Variants in LMBR1 observed in about 807,000 individuals in gnomAD.
LMBR1 encodes the protein limb region 1 protein homolog.
LMBR1 carries 52 observed loss-of-function variants against 73.9 expected under a neutral mutation model. That is an observed-to-expected ratio of 0.70 (90% CI 0.56 to 0.89). LMBR1 has a LOEUF of 0.89. Among genes scored for constraint, LMBR1 ranks in the 40% least tolerant of loss-of-function variants. The pLI is 0.00. For synonymous variants in LMBR1, 215 were observed against 209.4 expected (o/e 1.03, Z -0.23); for missense variants, 539 against 579.8 (o/e 0.93, Z 0.72).
chr7:156,709,286 C>T (rs946692412), intron 15 of LMBR1, among the ~76,000 whole-genome samples: 7 of 152,206 alleles, frequency 4.6e-5, no homozygotes, highest in Non-Finnish European at 8.8e-5. Flanking sequence ...ACAGAATAAC[C>T]CTGCTCCCAG....
chr7:156,874,441 G>A (rs548210323), intron 1 of LMBR1, among the ~76,000 whole-genome samples: 4 of 152,342 alleles, frequency 2.6e-5, no homozygotes, highest in South Asian at 2.1e-4. Flanking sequence ...CACCCAGAAA[G>A]GGGCTCCCAC....
intron 2 of LMBR1, among the ~76,000 whole-genome samples, chr7:156,834,030 A>G (rs1837172433): frequency 6.6e-6 from 1 of 152,216 alleles, no homozygotes; most frequent in Non-Finnish European, 1.5e-5. Flanking sequence ...TAAAACTACC[A>G]TATGTAAATT....
At chr7:156,866,874 T>C (rs1204889593) in intron 1 of LMBR1, among the ~76,000 whole-genome samples, 2 of 152,184 alleles carry the variant, frequency 1.3e-5, no homozygotes, top group Admixed American at 1.3e-4. Flanking sequence ...AGTGCTGGGA[T>C]TACAGGCATG....
At position 156,762,134 on chromosome 7, in the gene LMBR1, T is replaced by C. The variant is rs1823168114; in HGVS notation, c.684A>G (p.Thr228=). 1 of 1,571,408 alleles carries C rather than the reference T, an allele frequency of 6.4e-7. No homozygotes were observed. Among genetic ancestry groups the C allele is most frequent in the Non-Finnish European group, 8.8e-7 (1 of 1,141,254 alleles). Residue 228 remains threonine, a splice_region_variant and synonymous_variant, in exon 8 of 17, where the codon ACA becomes ACG. Coordinates refer to ENST00000353442, the MANE Select transcript of LMBR1 (RefSeq NM_022458.4). ...TVMGQLLVKP[T]ILEDLDEQIY... ...AAATGATTTATAATTAAATACTTAC[T>C]GTTGGCTTCACTAGCAACTGACCCA...
chr7:156,884,372 T>C (rs924801544), intron 1 of LMBR1, among the ~76,000 whole-genome samples: 6 of 151,920 alleles, frequency 3.9e-5, no homozygotes, highest in African/African-American at 1.2e-4. Flanking sequence ...GACCACTCTG[T>C]AATCACTCCT....
At chr7:156,676,162 G>C (rs1038691252), downstream of LMBR1, 1 of 1,135,978 alleles carries the variant, frequency 8.8e-7, no homozygotes, top group Middle Eastern at 2.9e-4. Context: ...TGAAATTCTG[G>C]AAGTTCCTGT....
intron 5 of LMBR1, among the ~76,000 whole-genome samples, chr7:156,768,458 T>C (rs1296768627): frequency 1.3e-5 from 2 of 152,204 alleles, no homozygotes; most frequent in African/African-American, 4.8e-5. Flanking sequence ...TCATTTAGAA[T>C]TTTAAAAATA....
In LMBR1 at chr7:156,727,950, C is replaced by T. The variant is rs1486980085; in HGVS notation, c.973G>A (p.Ala325Thr). 3.1e-6 allele frequency: 5 copies of T among 1,612,918 alleles called. No homozygotes were observed. Among genetic ancestry groups the T allele is most frequent in the Non-Finnish European group, 4.2e-6 (5 of 1,179,352 alleles). ...TTTACCCTTGTTCCTTTTGGCATTG[C>T]TGTTTCATCAACCAATAGGCAAAGA... ...NILCLLVDETAMPKGTRGPGI... is the reference protein window; with the variant it reads ...NILCLLVDETTMPKGTRGPGI... The change falls in exon 12 of 17, where the codon GCA becomes ACA. Residue 325 changes from alanine (A) to threonine (T), a missense_variant. By Grantham distance (58) the Ala-to-Thr change is moderately conservative (BLOSUM62 0). Transcript: ENST00000353442.
At chr7:156,726,010 A>C in intron 12 of LMBR1, 173 bp from the exon 13 acceptor site, 1 of 457,092 alleles carries the variant, frequency 2.2e-6, no homozygotes, top group South Asian at 6.2e-5. Flanking sequence ...TTTCATCAAC[A>C]AATTCAGGCA....
intron 4 of LMBR1, among the ~76,000 whole-genome samples, chr7:156,818,451 C>T (rs1203955393): frequency 2.0e-5 from 3 of 152,276 alleles, no homozygotes; most frequent in East Asian, 3.9e-4. Context: ...AATTGGGCCC[C>T]ACTGGGGAAA....
chr7:156,856,077 C>G (rs1266599877), intron 1 of LMBR1, among the ~76,000 whole-genome samples: 2 of 151,038 alleles, frequency 1.3e-5, no homozygotes, highest in African/African-American at 4.9e-5. Flanking sequence ...TGCCTGTAGT[C>G]CCAGCAACTC....
chr7:156,702,971 C>T (rs1278824867), intron 15 of LMBR1, among the ~76,000 whole-genome samples: 1 of 152,110 alleles, frequency 6.6e-6, no homozygotes, highest in Admixed American at 6.5e-5. Flanking sequence ...GGCCTGGGGC[C>T]AAAAATGGGG....
intron 1 of LMBR1, among the ~76,000 whole-genome samples, chr7:156,861,532 T>C (rs989126527): frequency 1.3e-5 from 2 of 152,250 alleles, no homozygotes; most frequent in African/African-American, 2.4e-5. Flanking sequence ...CCTCATTACT[T>C]ATGCAAATTT....
At chr7:156,806,129 A>G (rs1832020506) in intron 4 of LMBR1, among the ~76,000 whole-genome samples, 1 of 152,130 alleles carries the variant, frequency 6.6e-6, no homozygotes, top group Admixed American at 6.5e-5. Context: ...CCATGAACAC[A>G]GTATCTGTCT....
intron 3 of LMBR1, among the ~76,000 whole-genome samples, chr7:156,827,916 C>T (rs1442917290): frequency 6.6e-6 from 1 of 152,114 alleles, no homozygotes; most frequent in African/African-American, 2.4e-5. Context: ...CAACTGATAT[C>T]AGATACAGAA....
At chr7:156,736,991 G>GC (rs1388139706) in intron 9 of LMBR1, among the ~76,000 whole-genome samples, 1 of 152,088 alleles carries the variant, frequency 6.6e-6, no homozygotes, top group Non-Finnish European at 1.5e-5. Context: ...CAGATGGACT[G>GC]CCCTCTGTGC....
At chr7:156,871,548 A>G (rs1403979841) in intron 1 of LMBR1, among the ~76,000 whole-genome samples, 2 of 152,238 alleles carry the variant, frequency 1.3e-5, no homozygotes, top group Non-Finnish European at 2.9e-5. Context: ...TCCTCAATGA[A>G]ATAGTTGCTC....
intron 1 of LMBR1, among the ~76,000 whole-genome samples, chr7:156,863,682 C>T (rs1050738533): frequency 2.0e-5 from 3 of 152,124 alleles, no homozygotes; most frequent in African/African-American, 7.2e-5. Context: ...CTTATCAGAA[C>T]CTGGCATTTT....
intron 15 of LMBR1, among the ~76,000 whole-genome samples, chr7:156,690,442 C>G (rs990093947): frequency 6.6e-6 from 1 of 152,162 alleles, no homozygotes; most frequent in Non-Finnish European, 1.5e-5. Flanking sequence ...CTGTGTCCTA[C>G]GTTGTGACAG....
Sources: gnomAD v4.1 joint callset for allele counts (sites outside exome capture counted in the v4.1 genomes callset) on GRCh38, gnomAD v4.1.1 for gene constraint, MANE v1.5 for transcripts, NCBI Gene and HGNC (gene_info 2026-07-23, HGNC 2026-07-21) for gene names.